NBPF12: variants seen among roughly 807,000 people sequenced by gnomAD.
NBPF12 encodes NBPF family member NBPF12.
In NBPF12, 115 loss-of-function variants were observed where a neutral mutation model predicts 146.4. The ratio of observed to expected loss-of-function variants is 0.79; its 90% confidence interval spans 0.68 to 0.92. The LOEUF (loss-of-function observed/expected upper bound fraction) is 0.92, where lower values mean the gene tolerates loss of function less well. Ranked by LOEUF, NBPF12 falls within the 40% of genes least tolerant of loss-of-function variation. The pLI, the probability that NBPF12 is intolerant of heterozygous loss-of-function variation, is 0.00. For missense variants in NBPF12, 1,205 were observed against 1,326.8 expected (o/e 0.91, Z 1.43); for synonymous variants, 385 against 508.9 (o/e 0.76, Z 3.28).
chr1:146,948,375 G>C (rs1398473115), upstream of NBPF12, among the ~76,000 whole-genome samples: 3 of 151,754 alleles, frequency 2.0e-5, no homozygotes, highest in Non-Finnish European at 4.4e-5. Context: ...GTAGACATAA[G>C]AGACTCCATT....
At chr1:146,971,628 A>C (rs1361200588) in intron 13 of NBPF12, among the ~76,000 whole-genome samples, 1 of 148,698 alleles carries the variant, frequency 6.7e-6, no homozygotes, top group East Asian at 2.0e-4. Context: ...ATCTTTACGA[A>C]GAATACAAAA....
chr1:146,981,702 G>C (rs1313460195), intron 19 of NBPF12, among the ~76,000 whole-genome samples: 275 of 152,008 alleles, frequency 1.8e-3, no homozygotes, highest in African/African-American at 6.5e-3. Flanking sequence ...ATCAAACGTA[G>C]ATTTGGTCTT....
chr1:146,995,535 TG>T (rs1658490549), exon 34 of NBPF12: 1 of 151,734 alleles, frequency 6.6e-6, no homozygotes, highest in Admixed American at 6.6e-5. Context: ...CTCATCTTTT[TG>T]TTGTTGTCAT....
At chr1:146,945,941 A>G (rs1468731380), upstream of NBPF12, among the ~76,000 whole-genome samples, 1 of 151,484 alleles carries the variant, frequency 6.6e-6, no homozygotes, top group Non-Finnish European at 1.5e-5. Context: ...GTGCTTCACC[A>G]TTTCATGCCT....
At chr1:146,964,264 T>C (rs1432771037) in intron 6 of NBPF12, 93 bp from the exon 10 acceptor site, 1 of 1,561,164 alleles carries the variant, frequency 6.4e-7, no homozygotes, top group East Asian at 2.2e-5. Flanking sequence ...TGCTGAACCA[T>C]ACATAGATGT....
upstream of NBPF12, among the ~76,000 whole-genome samples, chr1:146,948,408 C>G (rs1181089201): frequency 4.0e-5 from 6 of 151,804 alleles, no homozygotes; most frequent in South Asian, 2.1e-4. Context: ...AAGAAAAATT[C>G]TTTTGCCTTG....
At chr1:146,972,865 A>G in exon 14 of NBPF12, 1 of 1,220,426 alleles carries the variant, frequency 8.2e-7, no homozygotes, top group Non-Finnish European at 1.2e-6. Context: ...TTGCGCCCCC[A>G]GCTGGCAGAG....
chr1:146,992,456 CTCTCTCTGTGTGTGTGTGTGTGTG>C (rs1658238923), intron 31 of NBPF12, among the ~76,000 whole-genome samples: 1 of 103,902 alleles, frequency 9.6e-6, no homozygotes, highest in African/African-American at 4.3e-5. Flanking sequence ...CTCTCTCTCT[CTCTCTCTGTGTGTGTGTGTGTGTG>C]TGTGTGTGTG....
rs1553886243 is a variant in NBPF12, at chr1:146,970,591, C to T, written c.1307-56C>T. The T allele has an allele frequency of 6.8e-5, 106 of 1,563,290 alleles. 2 individuals carry two copies. Among genetic ancestry groups the T allele is most frequent in the Admixed American group, 5.5e-4 (33 of 59,818 alleles). On this transcript the variant is annotated intron_variant, in intron 11 of 33. Coordinates refer to ENST00000617844, the Ensembl canonical transcript of NBPF12. ...CATGTCTCTGTGCACGTTGGGCTGACTGTGCTTGCAGAATGTGAAGTGGAA... is the reference window on the plus strand; with the variant it reads ...CATGTCTCTGTGCACGTTGGGCTGATTGTGCTTGCAGAATGTGAAGTGGAA...
chr1:146,967,818 G>A lies in NBPF12; in HGVS notation c.989-630G>A, dbSNP rs1342013376. ...TGTCAATCTCATAGAACGTTTATTG[G>A]CACAGAGTAAACACTATTAGTTCTT... On this transcript the variant is annotated intron_variant, in intron 9 of 33. Transcript: ENST00000617844. 2.5e-4 allele frequency among the ~76,000 whole-genome samples: 38 copies of A among 151,006 alleles called. 1 individual carries two copies. The highest frequency in any genetic ancestry group is 8.6e-4 in the Admixed American group (13 of 15,128).
exon 6 of NBPF12, chr1:146,963,114 C>T (rs1468794890): frequency 3.7e-6 from 6 of 1,609,106 alleles, no homozygotes; most frequent in Non-Finnish European, 5.1e-6. Context: ...AGTCCTGGTT[C>T]ACTCTCAGGA....
At chr1:146,962,139 G>A in intron 4 of NBPF12, 22 bp from the exon 8 acceptor site, 1 of 1,607,572 alleles carries the variant, frequency 6.2e-7, no homozygotes, top group Non-Finnish European at 8.5e-7. Flanking sequence ...CACTGAGGCA[G>A]GCGTGTCTGT....
chr1:146,981,314 T>TATATAC (rs1346881147), intron 19 of NBPF12, among the ~76,000 whole-genome samples: 11 of 127,822 alleles, frequency 8.6e-5, no homozygotes, highest in East Asian at 2.9e-4. Flanking sequence ...TATATATATA[T>TATATAC]ACATACACAC....
At chr1:146,994,070 G>T (rs1234002858) in intron 33 of NBPF12, among the ~76,000 whole-genome samples, 2 of 105,956 alleles carry the variant, frequency 1.9e-5, no homozygotes, top group Non-Finnish European at 3.6e-5. Context: ...TATGTCACCT[G>T]GCCAATTCAC....
At chr1:146,982,542 G>C in intron 19 of NBPF12, among the ~76,000 whole-genome samples, 1 of 151,952 alleles carries the variant, frequency 6.6e-6, no homozygotes. Context: ...TAATACACAA[G>C]ATCTGTGTCT....
At chr1:146,964,119 G>A in intron 6 of NBPF12, among the ~76,000 whole-genome samples, 1 of 143,672 alleles carries the variant, frequency 7.0e-6, no homozygotes, top group Middle Eastern at 3.4e-3. Context: ...CAGTGATATG[G>A]GAAGCAAAAG....
At chr1:146,962,493 G>T (rs1301399782) in intron 5 of NBPF12, among the ~76,000 whole-genome samples, 42 of 144,240 alleles carry the variant, frequency 2.9e-4, no homozygotes, top group East Asian at 8.2e-4. Context: ...TAATTGTTGA[G>T]GTGAAATTTA....
At chr1:146,959,088 A>G (rs1195040375) in intron 2 of NBPF12, among the ~76,000 whole-genome samples, 2 of 95,810 alleles carry the variant, frequency 2.1e-5, no homozygotes, top group Non-Finnish European at 4.3e-5. Context: ...TTGTGTGATA[A>G]TCATACAATC....
At chr1:146,976,438 G>A (rs1454827928) in intron 16 of NBPF12, among the ~76,000 whole-genome samples, 64 of 126,444 alleles carry the variant, frequency 5.1e-4, no homozygotes, top group Admixed American at 1.6e-3. Flanking sequence ...TTTGTGGTAG[G>A]AAGTGCTTCA....
Sources: allele counts gnomAD v4.1 joint callset (sites outside exome capture counted in the v4.1 genomes callset), GRCh38; gene constraint gnomAD v4.1.1; transcripts MANE v1.5; gene names NCBI Gene and HGNC (gene_info 2026-07-23, HGNC 2026-07-21).